KIFC3: variants seen among roughly 807,000 people sequenced by gnomAD.
The protein encoded by KIFC3 is kinesin-like protein KIFC3.
A neutral mutation model predicts 101.8 loss-of-function variants in KIFC3; 60 were observed. The ratio of observed to expected loss-of-function variants is 0.59; its 90% CI spans 0.48 to 0.73. The LOEUF (loss-of-function observed/expected upper bound fraction) is 0.73, where lower values mean the gene tolerates loss of function less well. Ranked by LOEUF, KIFC3 falls within the 30% of genes least tolerant of loss-of-function variation. The pLI is 0.00. For synonymous variants in KIFC3, 476 were observed against 482.7 expected, an observed-to-expected ratio of 0.99 and a Z score of 0.18; for missense variants, 966 against 1,137.1, an observed-to-expected ratio of 0.85 and a Z score of 2.16.
chr16:57,798,338 C>T (rs2054506974), intron 1 of KIFC3, 56 bp from the exon 2 acceptor site: 3 of 1,473,954 alleles, frequency 2.0e-6, no homozygotes, highest in East Asian at 4.9e-5. Context: ...CACAACTGCA[C>T]CTCGGGCAGA....
At chr16:57,847,010 C>A (rs1461248321) in intron 1 of KIFC3, among the ~76,000 whole-genome samples, 1 of 151,156 alleles carries the variant, frequency 6.6e-6, no homozygotes, top group African/African-American at 2.4e-5. Flanking sequence ...CAAGGTGAAA[C>A]CCCATCTCTA....
chr16:57,814,479 G>A (rs890536160), intron 1 of KIFC3, among the ~76,000 whole-genome samples: 2 of 152,094 alleles, frequency 1.3e-5, no homozygotes, highest in Non-Finnish European at 2.9e-5. Context: ...TATTGAGCAC[G>A]TACTATGTGC....
intron 13 of KIFC3, 139 bp downstream of exon 13, chr16:57,761,997 ACCAC>A: frequency 9.5e-7 from 1 of 1,055,408 alleles, no homozygotes; most frequent in Non-Finnish European, 1.3e-6. Context: ...TTGCTCCAGC[ACCAC>A]CCCTGAGGAT....
Position 57,760,420 on chromosome 16 carries a change from G to T in KIFC3, c.2233-4C>A. The T allele has an allele frequency of 2.5e-6, 4 of 1,612,114 alleles. No homozygotes were observed. Among genetic ancestry groups the T allele is most frequent in the Non-Finnish European group, 3.4e-6 (4 of 1,178,848 alleles). On this transcript the variant is annotated splice_region_variant and splice_polypyrimidine_tract_variant and intron_variant, in intron 16 of 19. Transcript: ENST00000445690. Reference sequence around the variant, plus strand: ...TGTTCTTCTCCACGGGGGACACCTAGGGGACACGAGAGCTCACTGCCCACC... The same window carrying T: ...TGTTCTTCTCCACGGGGGACACCTATGGGACACGAGAGCTCACTGCCCACC...
intron 3 of KIFC3, chr16:57,774,997 C>A: frequency 6.5e-7 from 1 of 1,533,848 alleles, no homozygotes; most frequent in Non-Finnish European, 8.7e-7. Context: ...ATCTCCACTG[C>A]CGCCCCTGCC....
chr16:57,779,182 T>C (rs542558179), intron 3 of KIFC3, among the ~76,000 whole-genome samples: 139 of 152,288 alleles, frequency 9.1e-4, no homozygotes, highest in African/African-American at 3.2e-3. Flanking sequence ...AAGCAGCCCA[T>C]GGATGGATGA....
Position 57,790,240 on chromosome 16 carries a change from T to G in KIFC3, c.315+4759A>C, listed in dbSNP as rs149015778. ...GACTACAGGTACACACCACCATGAC[T>G]GGCTGATTTTTGTATTTTTTGTGTA... On this transcript the variant is annotated intron_variant, in intron 3 of 19. Coordinates refer to ENST00000445690, the MANE Select transcript of KIFC3 (RefSeq NM_001130100.2). 4.1e-3 allele frequency among the ~76,000 whole-genome samples: 610 copies of G among 150,478 alleles called. 3 individuals carry two copies. Among genetic ancestry groups the G allele is most frequent in the African/African-American group, 0.014 (586 of 40,928 alleles).
intron 1 of KIFC3, among the ~76,000 whole-genome samples, chr16:57,812,052 T>C (rs1218904246): frequency 6.6e-6 from 1 of 150,416 alleles, no homozygotes; most frequent in Non-Finnish European, 1.5e-5. Context: ...CTCTCTTTTT[T>C]TTTTTTTTTG....
In KIFC3 at chr16:57,785,487, T is replaced by C. The variant is rs946528427; in HGVS notation, c.315+9512A>G. 6.2e-6 allele frequency: 8 copies of C among 1,287,832 alleles called. No individual in the cohort carries two copies. In the Admixed American group the frequency reaches 1.8e-4, roughly 30 times the overall value. The allele number at this position is 1,287,832 out of a possible 1,614,324, so 79.8% of individuals were successfully genotyped here. On this transcript the variant is annotated intron_variant, in intron 3 of 19. Transcript: ENST00000445690. ...ACCTGGTTCTGCAGCTGGGTGGACG[T>C]GGCCTGCTGGTCACTGTCGCGGAGG...
Position 57,813,500 on chromosome 16 carries a change from C to T in KIFC3, c.109-15218G>A, listed in dbSNP as rs563783828. Among the ~76,000 whole-genome samples, 9 of 152,250 alleles carry T rather than the reference C, an allele frequency of 5.9e-5. No individual in the cohort carries two copies. In the South Asian group the frequency reaches 1.9e-3, roughly 32 times the overall value. On this transcript the variant is annotated intron_variant, in intron 1 of 2. Transcript: ENST00000563028. ...CCCCTCCACGCCTCCCTGTCCTATG[C>T]TCTTCATGCCCACCTCCTGGGGCAA...
intron 14 of KIFC3, 96 bp from the exon 15 acceptor site, chr16:57,761,267 C>T (rs1014239927): frequency 2.2e-5 from 35 of 1,580,372 alleles, no homozygotes; most frequent in Non-Finnish European, 2.8e-5. Context: ...CACCACCCTC[C>T]GCAGTTTAGA....
intron 3 of KIFC3, among the ~76,000 whole-genome samples, chr16:57,777,541 C>T (rs531682431): frequency 1.5e-4 from 23 of 152,094 alleles, no homozygotes; most frequent in African/African-American, 5.3e-4. Flanking sequence ...GCCAACGTGA[C>T]GAAACCCCAT....
chr16:57,816,740 G>A (rs2055234594), intron 1 of KIFC3: 1 of 456,526 alleles, frequency 2.2e-6, no homozygotes, highest in Non-Finnish European at 4.4e-6. Flanking sequence ...GGGATCCGTG[G>A]AAGTCAGCCA....
rs782640878 is a variant in KIFC3 at position 57,759,855 on chromosome 16, G to T, written c.2368-19C>A. The T allele has an allele frequency of 1.0e-5, 16 of 1,582,024 alleles. No homozygotes were observed. The highest frequency in any genetic ancestry group is 2.7e-5 in the African/African-American group (2 of 74,080). ...GCTCCCACTGTGAGCAGGGAAGGGC[G>T]GATGGGCGGGGGCCACGGCTGCCCT... is the stretch of plus-strand genomic sequence containing the variant. On this transcript the variant is annotated intron_variant, in intron 17 of 19. Coordinates refer to ENST00000445690, the MANE Select transcript of KIFC3 (RefSeq NM_001130100.2).
At chr16:57,765,109 T>A (rs200663311) in intron 11 of KIFC3, among the ~76,000 whole-genome samples, 4 of 129,962 alleles carry the variant, frequency 3.1e-5, no homozygotes, top group African/African-American at 1.2e-4. Context: ...GGCCACATGG[T>A]GGGAGGAGCC....
Position 57,769,642 on chromosome 16 carries a change from C to T in KIFC3, c.1171G>A (p.Gly391Ser), listed in dbSNP as rs782747205. Residue 391 changes from glycine to serine, a missense_variant, in exon 9 of 20, where the codon GGC becomes AGC. Gly to Ser is a moderately conservative substitution (Grantham distance 56). This residue lies in a region of KIFC3 where 689 missense variants were observed against 884.6 expected (regional missense o/e 0.78). Transcript: ENST00000445690. The surrounding 1 kb of genome is among the most constrained non-coding windows in gnomAD (Gnocchi z 4.3). ...DYNGLKRQVR[G>S]FPLLLQEALR... ...GCCTCCTGCAGCAGCAGTGGGAAGC[C>T]GCGCACCTGCCGCTTGAGCCCATTG... 5.0e-6 allele frequency: 8 copies of T among 1,611,252 alleles called. No homozygotes were observed. Among genetic ancestry groups the T allele is most frequent in the South Asian group, 2.2e-5 (2 of 91,000 alleles).
At chr16:57,796,798 G>C (rs1568050840) in intron 2 of KIFC3, among the ~76,000 whole-genome samples, 1 of 152,190 alleles carries the variant, frequency 6.6e-6, no homozygotes, top group Non-Finnish European at 1.5e-5. Flanking sequence ...AAAATGTTCA[G>C]TGACTAACTT....
intron 1 of KIFC3, among the ~76,000 whole-genome samples, chr16:57,800,471 C>T (rs2054644793): frequency 6.6e-6 from 1 of 152,204 alleles, no homozygotes; most frequent in Non-Finnish European, 1.5e-5. Context: ...CCCTGCAGAC[C>T]AGCTGTCCAA....
intron 10 of KIFC3, 45 bp from the exon 11 acceptor site, chr16:57,765,685 A>C: frequency 6.5e-7 from 1 of 1,548,434 alleles, no homozygotes; most frequent in Non-Finnish European, 8.8e-7. Flanking sequence ...CCATGTCAAG[A>C]CCAGTCTCCA....
Sources: allele counts gnomAD v4.1 joint callset (sites outside exome capture counted in the v4.1 genomes callset), GRCh38; gene constraint gnomAD v4.1.1; regional missense constraint gnomAD v4.1.1; non-coding constraint Gnocchi (gnomAD v3.1); transcripts MANE v1.5; gene names NCBI Gene and HGNC (gene_info 2026-07-23, HGNC 2026-07-21).